ATP11C: variants seen among roughly 807,000 people sequenced by gnomAD.
ATP11C encodes ATPase phospholipid transporting 11C (ATP11C blood group), also known as phospholipid-transporting ATPase IG.
In ATP11C, 36 loss-of-function variants were observed where a neutral mutation model predicts 97.4. The ratio of observed to expected loss-of-function variants is 0.37; its 90% confidence interval spans 0.28 to 0.49. The LOEUF (loss-of-function observed/expected upper bound fraction) is 0.49. ATP11C is among the 20% of genes least tolerant of loss of function. The probability of loss-of-function intolerance (pLI) is 0.98; values close to 1 mark genes in which losing one functional copy is unlikely to be tolerated. For missense variants in ATP11C, 730 were observed against 824.6 expected, an observed-to-expected ratio of 0.89 and a Z score of 1.40; for synonymous variants, 275 against 290.9, an observed-to-expected ratio of 0.95 and a Z score of 0.56.
rs1197760162 is a variant in ATP11C, at chrX:139,808,625, A to G, written c.427-4026T>C. On this transcript the variant is annotated intron_variant, in intron 5 of 29. Transcript: ENST00000682941. ...CCCATAATTCTATATAGCCAGAAAA[A>G]TAATTTTCGTAATTGAAGGTGAGAT... Among the ~76,000 whole-genome samples, 7 of 111,831 alleles carry G rather than the reference A, an allele frequency of 6.3e-5. No individual in the cohort carries two copies. In the East Asian group the frequency reaches 2.0e-3, roughly 31 times the overall value.
intron 1 of ATP11C, among the ~76,000 whole-genome samples, chrX:139,902,227 C>G (rs1372922776): frequency 9.0e-6 from 1 of 111,279 alleles, no homozygotes; most frequent in Non-Finnish European, 1.9e-5. Flanking sequence ...CCAACTAAAC[C>G]GAGGTACATA....
At chrX:139,922,576 G>A (rs59130207) in intron 1 of ATP11C, among the ~76,000 whole-genome samples, 11,502 of 107,351 alleles carry the variant, frequency 0.11, 893 homozygotes, top group East Asian at 0.29. Context: ...TGAAGGTGGA[G>A]CCCTCATAAA....
At chrX:139,796,553 C>A in intron 11 of ATP11C, 83 bp from the exon 12 acceptor site, 1 of 651,782 alleles carries the variant, frequency 1.5e-6, no homozygotes, top group Non-Finnish European at 2.3e-6. Flanking sequence ...TTAATTTCAT[C>A]TTTATTTCAA....
intron 1 of ATP11C, among the ~76,000 whole-genome samples, chrX:139,842,533 G>A (rs1045842208): frequency 8.9e-6 from 1 of 112,692 alleles, no homozygotes; most frequent in African/African-American, 3.2e-5. Context: ...CAATAGGCAA[G>A]TTTACAATCT....
rs1201369752 is a variant in ATP11C at position 139,932,020 on chromosome X, C to T, written c.23G>A (p.Arg8His). Residue 8 changes from arginine to histidine, a missense_variant, in exon 1 of 30, where the codon CGT (arginine) becomes CAT (histidine). Transcript: ENST00000682941. MFRRSLN[R>H]FCAGEEKRVG... Reference sequence around the variant, plus strand: ...AGCCGCAGCGAGTGTACTTACAAAACGATTCAAGCTCCGGCGGAACATCGC... The same window carrying T: ...AGCCGCAGCGAGTGTACTTACAAAATGATTCAAGCTCCGGCGGAACATCGC... 3.4e-6 allele frequency: 4 copies of T among 1,164,306 alleles called. No homozygotes were observed. Among genetic ancestry groups the T allele is most frequent in the South Asian group, 1.9e-5 (1 of 51,977 alleles).
chrX:139,757,071 T>C (rs938449069), intron 23 of ATP11C, among the ~76,000 whole-genome samples: 21 of 110,379 alleles, frequency 1.9e-4, no homozygotes, highest in African/African-American at 6.3e-4. Flanking sequence ...TAAGTGTACT[T>C]TGTATTCACA....
chrX:139,922,677 C>A (rs2085286194), intron 1 of ATP11C, among the ~76,000 whole-genome samples: 1 of 111,452 alleles, frequency 9.0e-6, no homozygotes, highest in Non-Finnish European at 1.9e-5. Flanking sequence ...AGCCCCCTCA[C>A]CAGTACCCAA....
intron 24 of ATP11C, among the ~76,000 whole-genome samples, chrX:139,746,913 G>A (rs1163900006): frequency 8.9e-6 from 1 of 111,929 alleles, no homozygotes; most frequent in Non-Finnish European, 1.9e-5. Flanking sequence ...TCACTGGGCT[G>A]TATCAAGTAA....
chrX:139,833,669 C>A (rs918720813), intron 1 of ATP11C, among the ~76,000 whole-genome samples: 3 of 110,847 alleles, frequency 2.7e-5, no homozygotes, highest in African/African-American at 9.9e-5. Flanking sequence ...GCTTGGGCAA[C>A]AGAGTAAAGA....
At chrX:139,761,416 C>CA (rs2082036113) in intron 22 of ATP11C, among the ~76,000 whole-genome samples, 1 of 112,007 alleles carries the variant, frequency 8.9e-6, no homozygotes. Context: ...AGCAAGGTCA[C>CA]ATATCAAAGT....
intron 1 of ATP11C, among the ~76,000 whole-genome samples, chrX:139,929,390 G>T (rs1307783990): frequency 8.9e-6 from 1 of 111,990 alleles, no homozygotes; most frequent in Non-Finnish European, 1.9e-5. Flanking sequence ...AAAATACAAT[G>T]AATCACTATT....
chrX:139,788,525 G>A (rs919289136), intron 13 of ATP11C, among the ~76,000 whole-genome samples, 182 bp from the exon 14 acceptor site: 1 of 111,696 alleles, frequency 9.0e-6, no homozygotes, highest in African/African-American at 3.3e-5. Flanking sequence ...CCTAATAAGA[G>A]TTCCTGGTTC....
rs1287036817 is a variant in ATP11C at position 139,797,480 on chromosome X, T to C, written c.858-154A>G. Among the ~76,000 whole-genome samples, 5 of 111,723 alleles carry C rather than the reference T, an allele frequency of 4.5e-5. No homozygotes were observed. The Admixed American group carries it at 4.8e-4, about 11-fold the overall frequency. ...TCAGTTATCATAGCTGCAGCATTAC[T>C]TTCAAGTGGCAAAATGGAAAAGCTG... On this transcript the variant is annotated intron_variant, in intron 10 of 29. Coordinates refer to ENST00000682941, the MANE Select transcript of ATP11C (RefSeq NM_001353812.2).
chrX:139,757,117 A>T (rs1357640093), intron 23 of ATP11C, among the ~76,000 whole-genome samples: 2 of 111,074 alleles, frequency 1.8e-5, no homozygotes, highest in Non-Finnish European at 3.8e-5. Flanking sequence ...AAATTTAGAA[A>T]CTTAACACCT....
chrX:139,785,418 C>T (rs967952030), intron 15 of ATP11C, 119 bp from the exon 16 acceptor site: 2 of 476,673 alleles, frequency 4.2e-6, no homozygotes, highest in Non-Finnish European at 7.1e-6. Flanking sequence ...GTTGTGTGCA[C>T]AACTGGTACT....
At chrX:139,744,561 G>A (rs192553471) in intron 25 of ATP11C, among the ~76,000 whole-genome samples, 1 of 112,106 alleles carries the variant, frequency 8.9e-6, no homozygotes, top group East Asian at 2.8e-4. Context: ...GCAGTAGCCA[G>A]CTACATAAAA....
intron 5 of ATP11C, among the ~76,000 whole-genome samples, chrX:139,814,489 T>A (rs2147836511): frequency 8.9e-6 from 1 of 112,034 alleles, no homozygotes; most frequent in East Asian, 2.8e-4. Flanking sequence ...AACCCAAATG[T>A]CCATCAGCTG....
intron 2 of ATP11C, among the ~76,000 whole-genome samples, chrX:139,823,990 C>T (rs949196460): frequency 1.7e-4 from 18 of 108,836 alleles, no homozygotes; most frequent in South Asian, 1.6e-3. Flanking sequence ...AAAAGCTGGG[C>T]AAAGGGCGGG....
chrX:139,755,065 A>G (rs573224714), intron 23 of ATP11C, among the ~76,000 whole-genome samples: 2 of 112,235 alleles, frequency 1.8e-5, no homozygotes, highest in East Asian at 5.6e-4. Context: ...TTTGCAGACA[A>G]TATGATTCTA....
Sources: allele counts gnomAD v4.1 joint callset (sites outside exome capture counted in the v4.1 genomes callset), GRCh38; gene constraint gnomAD v4.1.1; transcripts MANE v1.5; gene names NCBI Gene and HGNC (gene_info 2026-07-23, HGNC 2026-07-21).